The following PTPRD variants were observed in gnomAD, a reference collection of about 807,000 sequenced individuals.
PTPRD encodes the protein protein tyrosine phosphatase receptor type D.
A neutral mutation model predicts 214.5 loss-of-function variants in PTPRD; 34 were observed. The ratio of observed to expected loss-of-function variants is 0.16; its 90% CI spans 0.12 to 0.21. The LOEUF is 0.21. Ranked by LOEUF, PTPRD falls within the 10% of genes least tolerant of loss-of-function variation. The pLI, the probability that PTPRD is intolerant of heterozygous loss-of-function variation, is 1.00. For missense variants in PTPRD, 2,545 were observed against 2,398.7 expected, an observed-to-expected ratio of 1.06 and a Z score of -1.27; for synonymous variants, 1,128 against 845.7, an observed-to-expected ratio of 1.33 and a Z score of -5.79.
intron 2 of PTPRD, among the ~76,000 whole-genome samples, chr9:10,572,649 A>G (rs143634911): frequency 5.5e-4 from 83 of 152,290 alleles, no homozygotes; most frequent in African/African-American, 1.9e-3. Flanking sequence ...ATGTGTGTTT[A>G]TAATTCAGAA....
chr9:10,449,564 GCC>G (rs1480216956), intron 2 of PTPRD, among the ~76,000 whole-genome samples: 1 of 151,036 alleles, frequency 6.6e-6, no homozygotes, highest in Non-Finnish European at 1.5e-5. Context: ...GAGCGTCTCT[GCC>G]CGGCCGCCAT....
chr9:8,904,480 T>C (rs1030044071), intron 11 of PTPRD, among the ~76,000 whole-genome samples: 6 of 152,104 alleles, frequency 3.9e-5, no homozygotes, highest in Admixed American at 2.6e-4. Flanking sequence ...GAGACCAGCC[T>C]GGCCAACACA....
intron 36 of PTPRD, among the ~76,000 whole-genome samples, chr9:8,395,656 G>A (rs2090935736): frequency 6.6e-6 from 1 of 151,846 alleles, no homozygotes; most frequent in African/African-American, 2.4e-5. Context: ...AAGCATGCCT[G>A]TTCTGTGGGC....
intron 11 of PTPRD, among the ~76,000 whole-genome samples, chr9:8,972,077 A>G (rs1486463895): frequency 1.3e-5 from 2 of 151,834 alleles, no homozygotes; most frequent in Admixed American, 6.6e-5. Context: ...ATGGCCTAAC[A>G]TGAAAGAACT....
In PTPRD at chr9:8,380,145, T is replaced by A. The variant is rs553712894; in HGVS notation, c.4387-3419A>T. The stretch of plus-strand genomic sequence containing the variant: ...AGTCTAAATGTGAAAAAAAAGAACA[T>A]GTTATTAATTTCAGCAGATACTGAT... On this transcript the variant is annotated intron_variant, in intron 37 of 45. Coordinates refer to ENST00000381196, the MANE Select transcript of PTPRD (RefSeq NM_002839.4). Among the ~76,000 whole-genome samples the A allele has an allele frequency of 5.3e-5, 8 of 152,214 alleles. No individual in the cohort carries two copies. In the South Asian group the frequency reaches 1.7e-3, roughly 32 times the overall value.
intron 11 of PTPRD, among the ~76,000 whole-genome samples, chr9:8,771,174 C>T (rs2095178513): frequency 2.7e-5 from 2 of 74,332 alleles, no homozygotes. Context: ...GAGCAAGATT[C>T]CGTCTCAAAA....
At chr9:8,344,601 C>T (rs7851892) in intron 39 of PTPRD, among the ~76,000 whole-genome samples, 74,182 of 151,762 alleles carry the variant, frequency 0.49, 21,194 homozygotes, top group Non-Finnish European at 0.65. Context: ...CTGCCCAATC[C>T]TGCTATTCAT....
rs866416259 is a variant in PTPRD at position 10,210,838 on chromosome 9, T to C, written c.-545+130125A>G. Reference sequence around the variant, plus strand: ...ATATATATATGTATGTATGTATGTATGTATAATCAAACCACTTCTTACTCT... The same window carrying C: ...ATATATATATGTATGTATGTATGTACGTATAATCAAACCACTTCTTACTCT... On this transcript the variant is annotated intron_variant, in intron 3 of 45. Transcript: ENST00000381196. Among the ~76,000 whole-genome samples the C allele has an allele frequency of 2.8e-5, 4 of 143,416 alleles. No homozygotes were observed. In the East Asian group the frequency reaches 8.2e-4, roughly 29 times the overall value. The allele number at this position is 143,416 out of a possible 152,430, so 94.1% of individuals were successfully genotyped here. A position where few individuals can be genotyped will look rare whatever the true frequency, so the allele number is the denominator to read the frequency against.
intron 9 of PTPRD, among the ~76,000 whole-genome samples, chr9:9,270,546 A>G (rs181395063): frequency 6.6e-6 from 1 of 151,420 alleles, no homozygotes. Flanking sequence ...TGTGAACTAC[A>G]GAGTATAATG....
chr9:8,864,972 A>G (rs1207054559), intron 11 of PTPRD, among the ~76,000 whole-genome samples: 3 of 152,236 alleles, frequency 2.0e-5, no homozygotes, highest in Non-Finnish European at 4.4e-5. Context: ...TATTTTGGCC[A>G]TAATTATACT....
intron 9 of PTPRD, among the ~76,000 whole-genome samples, chr9:9,275,637 G>A (rs2133219244): frequency 1.3e-5 from 2 of 151,266 alleles, no homozygotes; most frequent in East Asian, 4.0e-4. Flanking sequence ...CCTAAGACAA[G>A]GGCTGCTGCC....
intron 11 of PTPRD, among the ~76,000 whole-genome samples, chr9:8,892,269 T>G (rs908016514): frequency 2.6e-5 from 4 of 151,976 alleles, no homozygotes; most frequent in African/African-American, 7.3e-5. Context: ...TAGCAGGGAG[T>G]AGGCCATTTG....
At chr9:8,935,891 C>T (rs990853224) in intron 11 of PTPRD, among the ~76,000 whole-genome samples, 1 of 152,084 alleles carries the variant, frequency 6.6e-6, no homozygotes, top group African/African-American at 2.4e-5. Context: ...AAAAGATTCA[C>T]AATCCTTGTG....
At chr9:8,330,542 C>T (rs1459973485) in intron 44 of PTPRD, among the ~76,000 whole-genome samples, 15 of 143,534 alleles carry the variant, frequency 1.0e-4, no homozygotes, top group Admixed American at 1.0e-3. Flanking sequence ...GGTTGGTTTG[C>T]AAAGGATGTT....
intron 14 of PTPRD, among the ~76,000 whole-genome samples, chr9:8,621,559 G>C (rs1298793552): frequency 6.6e-6 from 1 of 151,830 alleles, no homozygotes; most frequent in Non-Finnish European, 1.5e-5. Context: ...GCAAATCCTT[G>C]AGAATAATCA....
At chr9:10,205,125 T>TTC (rs2099463090) in intron 3 of PTPRD, among the ~76,000 whole-genome samples, 1 of 152,132 alleles carries the variant, frequency 6.6e-6, no homozygotes, top group Admixed American at 6.6e-5. Flanking sequence ...TATTTATAAA[T>TTC]TCTCAGGAGA....
intron 7 of PTPRD, among the ~76,000 whole-genome samples, chr9:9,649,821 T>A (rs2096287485): frequency 4.6e-5 from 7 of 152,252 alleles, no homozygotes; most frequent in Admixed American, 4.6e-4. Context: ...TAACATTTAA[T>A]AAAATATTTT....
chr9:8,791,593 T>C (rs968424611), intron 11 of PTPRD, among the ~76,000 whole-genome samples: 2 of 146,008 alleles, frequency 1.4e-5, no homozygotes, highest in African/African-American at 5.1e-5. Context: ...AGTGGGGCGA[T>C]CTCGGCTCAC....
chr9:8,521,589 G>A (rs1316235768), intron 19 of PTPRD, 43 bp from the exon 20 acceptor site: 1 of 1,588,290 alleles, frequency 6.3e-7, no homozygotes, highest in Non-Finnish European at 8.6e-7. Flanking sequence ...TACAAGGCAA[G>A]AAAAAGTGGA....
Sources: allele counts gnomAD v4.1 joint callset (sites outside exome capture counted in the v4.1 genomes callset), GRCh38; gene constraint gnomAD v4.1.1; transcripts MANE v1.5; gene names NCBI Gene and HGNC (gene_info 2026-07-23, HGNC 2026-07-21).